C16orf95: variants seen among roughly 807,000 people sequenced by gnomAD.
C16orf95 encodes the protein uncharacterized protein C16orf95.
In C16orf95, 41 loss-of-function variants were observed where a neutral mutation model predicts 32.1. The ratio of observed to expected loss-of-function variants is 1.28; its 90% CI spans 1.00 to 1.66. The LOEUF is 1.66. Among genes scored for constraint, C16orf95 ranks in the 40% most tolerant of loss-of-function variants. The pLI, the probability that C16orf95 is intolerant of heterozygous loss-of-function variation, is 0.00. For missense variants in C16orf95, 399 were observed against 325.9 expected (o/e 1.22, Z -1.73); for synonymous variants, 147 against 128.9 (o/e 1.14, Z -0.95).
At chr16:87,308,619 C>G (rs569062996) in intron 5 of C16orf95, among the ~76,000 whole-genome samples, 3 of 152,242 alleles carry the variant, frequency 2.0e-5, no homozygotes, top group Non-Finnish European at 4.4e-5. Flanking sequence ...CTTGTCCCAT[C>G]CACTCTTACC....
chr16:87,307,741 GA>G (rs2150648658), intron 5 of C16orf95, among the ~76,000 whole-genome samples: 1 of 152,280 alleles, frequency 6.6e-6, no homozygotes, highest in East Asian at 1.9e-4. Flanking sequence ...CTGGGTGACA[GA>G]GTGAGACTCC....
rs1220220453 is a variant in C16orf95, at chr16:87,311,275, G to T, written c.352C>A (p.Pro118Thr). Residue 118 changes from proline (P) to threonine (T), a missense_variant, in exon 4 of 7, where the codon CCT becomes ACT. Pro to Thr is a conservative substitution (Grantham distance 38, BLOSUM62 -1). Transcript: ENST00000567970. ...CACATCTTGGCGGTTTGGGGGATAGGAAATTGAACCGTCTTTTGACTCTAA... is the reference window on the plus strand; with the variant it reads ...CACATCTTGGCGGTTTGGGGGATAGTAAATTGAACCGTCTTTTGACTCTAA... ...RKQSQKTVQF[P>T]IPQTAKMCPC... 2.1e-5 allele frequency: 32 copies of T among 1,534,758 alleles called. No individual in the cohort carries two copies. The highest frequency in any genetic ancestry group is 2.8e-5 in the Non-Finnish European group (32 of 1,146,032).
At chr16:87,310,250 C>A (rs1274200928) in intron 5 of C16orf95, 47 bp downstream of exon 5, 12 of 1,531,718 alleles carry the variant, frequency 7.8e-6, no homozygotes, top group Non-Finnish European at 1.0e-5. Context: ...CGAACCCCAC[C>A]TTTCTGGGGA....
At chr16:87,311,907 G>A (rs550937634) in intron 3 of C16orf95, among the ~76,000 whole-genome samples, 79 of 152,332 alleles carry the variant, frequency 5.2e-4, no homozygotes, top group African/African-American at 1.8e-3. Flanking sequence ...ACAGGGTATA[G>A]GCAGCCTTGG....
At chr16:87,306,366 A>C (rs1911030574) in intron 5 of C16orf95, among the ~76,000 whole-genome samples, 1 of 152,176 alleles carries the variant, frequency 6.6e-6, no homozygotes, top group Non-Finnish European at 1.5e-5. Context: ...ATGGAATTCC[A>C]ACGTTTCCAT....
chr16:87,304,401 G>C (rs1297394097), intron 6 of C16orf95, among the ~76,000 whole-genome samples: 2 of 152,224 alleles, frequency 1.3e-5, no homozygotes, highest in Non-Finnish European at 2.9e-5. Flanking sequence ...ACCATGCCCA[G>C]CCTTGCCCAT....
At chr16:87,313,721 C>T (rs913023994) in intron 3 of C16orf95, among the ~76,000 whole-genome samples, 13 of 151,798 alleles carry the variant, frequency 8.6e-5, no homozygotes, top group Admixed American at 5.9e-4. Context: ...GAGTGAGGCC[C>T]GGTCTCAAAA....
At chr16:87,303,108 C>G in intron 6 of C16orf95, 33 bp from the exon 7 acceptor site, 1 of 1,535,970 alleles carries the variant, frequency 6.5e-7, no homozygotes, top group Non-Finnish European at 8.7e-7. Flanking sequence ...TACTAGGACC[C>G]GGCCCCAGGC....
At chr16:87,303,165 C>A in intron 6 of C16orf95, 90 bp from the exon 7 acceptor site, 1 of 1,354,506 alleles carries the variant, frequency 7.4e-7, no homozygotes, top group Non-Finnish European at 1.0e-6. Flanking sequence ...CCTCCATGAG[C>A]GGAAGGCAGA....
chr16:87,308,505 AATAAATAAATAAAT>A (rs1911126914), intron 5 of C16orf95, among the ~76,000 whole-genome samples: 1 of 151,730 alleles, frequency 6.6e-6, no homozygotes, highest in African/African-American at 2.4e-5. Context: ...TAAATAAATA[AATAAATAAATAAAT>A]AAGCAGATGT....
intron 5 of C16orf95, among the ~76,000 whole-genome samples, chr16:87,309,365 T>C (rs1389575138): frequency 1.4e-5 from 2 of 142,740 alleles, no homozygotes; most frequent in Admixed American, 7.3e-5. Context: ...TTCTTTTTCT[T>C]TCTTTTCTTT....
chr16:87,315,737 G>A, intron 2 of C16orf95, 35 bp downstream of exon 2: 1 of 1,497,738 alleles, frequency 6.7e-7, no homozygotes, highest in Non-Finnish European at 8.9e-7. Flanking sequence ...ATATGTTGGG[G>A]TCAGGGCCAG....
chr16:87,310,874 G>A (rs1911251206), intron 4 of C16orf95, among the ~76,000 whole-genome samples: 1 of 152,126 alleles, frequency 6.6e-6, no homozygotes, highest in Admixed American at 6.5e-5. Context: ...CAGCAGCAGT[G>A]GGTGCCAGAA....
intron 1 of C16orf95, among the ~76,000 whole-genome samples, chr16:87,316,649 A>C (rs956511846): frequency 6.8e-6 from 1 of 146,008 alleles, no homozygotes; most frequent in Admixed American, 6.9e-5. Context: ...CCTGGTGGGG[A>C]GGGGGGGGGC....
Position 87,305,838 on chromosome 16 carries a change from G to C in C16orf95, c.582C>G (p.Ser194=). Residue 194 remains serine, a synonymous_variant, in exon 6 of 7, where the codon TCC becomes TCG. Coordinates refer to ENST00000567970, the MANE Select transcript of C16orf95 (RefSeq NM_001195124.3). This position sits in a 1 kb window ranked among gnomAD's most constrained non-coding sequence, Gnocchi z 4.2. ...WRICGDECLL[S]KFQQLQAPYQ... ...AGGGGGCCTGGAGCTGCTGGAACTT[G>C]GACAACAGGCACTCATCACCGCAGA... is the stretch of plus-strand genomic sequence containing the variant. The C allele has an allele frequency of 6.7e-7, 1 of 1,489,126 alleles. No individual in the cohort carries two copies. The highest frequency in any genetic ancestry group is 8.9e-7 in the Non-Finnish European group (1 of 1,125,812). 92.2% of individuals were successfully genotyped at this position (1,489,126 alleles called of 1,614,324 possible).
chr16:87,315,631 G>A lies in C16orf95; in HGVS notation c.204+141C>T. 1.1e-5 allele frequency: 7 copies of A among 640,688 alleles called. No homozygotes were observed. The South Asian group carries it at 1.2e-4, about 11-fold the overall frequency. The allele number at this position is 640,688 out of a possible 1,614,324, so 39.7% of individuals were successfully genotyped here. The stretch of plus-strand genomic sequence containing the variant: ...GCCTGGGAGGTGTTCTGGAGGCCCA[G>A]GGATAGCTCCTGCAACCACACTTTT... On this transcript the variant is annotated intron_variant, in intron 2 of 6. Transcript: ENST00000567970.
chr16:87,303,014 A>T lies in C16orf95; in HGVS notation c.*43T>A, dbSNP rs1286510975. On this transcript the variant is annotated 3_prime_UTR_variant, in exon 7 of 7. Transcript: ENST00000567970. ...GACTCTCAAAGATCTTGATCGTGAC[A>T]CATTTTTGTGGCTGTTCTTGACAGT... 2 of 1,533,364 alleles carry T rather than the reference A, an allele frequency of 1.3e-6. No homozygotes were observed. Among genetic ancestry groups the T allele is most frequent in the South Asian group, 1.2e-5 (1 of 84,020 alleles). The allele number at this position is 1,533,364 out of a possible 1,614,324, so 95.0% of individuals were successfully genotyped here.
Position 87,304,946 on chromosome 16 carries a change from C to T in C16orf95, c.701+773G>A, listed in dbSNP as rs147019282. Among the ~76,000 whole-genome samples the T allele has an allele frequency of 3.7e-4, 57 of 152,348 alleles. 1 individual carries two copies. In the East Asian group the frequency reaches 4.1e-3, roughly 11 times the overall value. On this transcript the variant is annotated intron_variant, in intron 6 of 6. Transcript: ENST00000567970. ...GCAAACAAGTAAATGCATGTAAATT[C>T]GACTGTGTGTGTGCGTTTGTTCACA...
intron 3 of C16orf95, among the ~76,000 whole-genome samples, chr16:87,311,800 G>A (rs1398160418): frequency 3.9e-5 from 6 of 152,240 alleles, no homozygotes; most frequent in Non-Finnish European, 8.8e-5. Flanking sequence ...TCTGCAAAGT[G>A]TCCTATGCAC....
Sources: allele counts gnomAD v4.1 joint callset (sites outside exome capture counted in the v4.1 genomes callset), GRCh38; gene constraint gnomAD v4.1.1; non-coding constraint Gnocchi (gnomAD v3.1); transcripts MANE v1.5; gene names NCBI Gene and HGNC (gene_info 2026-07-23, HGNC 2026-07-21).